Variants in TMEM53 observed in about 807,000 individuals in gnomAD.
TMEM53 encodes the protein novel DUF829 domain-containing protein.
A neutral mutation model predicts 21.4 loss-of-function variants in TMEM53; 14 were observed. That is an observed-to-expected ratio of 0.65 (90% CI 0.43 to 1.02). The LOEUF (loss-of-function observed/expected upper bound fraction) is 1.02, where lower values mean the gene tolerates loss of function less well. TMEM53 is among the 50% of genes least tolerant of loss of function. The pLI is 0.00. For missense variants in TMEM53, 323 were observed against 383.6 expected, an observed-to-expected ratio of 0.84 and a Z score of 1.32; for synonymous variants, 148 against 157.4, an observed-to-expected ratio of 0.94 and a Z score of 0.45.
Position 44,674,385 on chromosome 1 carries a change from A to G in TMEM53, c.7T>C (p.Ser3Pro), listed in dbSNP as rs781232028. The change falls in exon 1 of 3, where the codon TCG becomes CCG. Residue 3 changes from serine to proline, a missense_variant. Physicochemically the swap from Ser to Pro is moderately conservative, Grantham distance 74 (BLOSUM62 -1). Coordinates refer to ENST00000372237, the MANE Select transcript of TMEM53 (RefSeq NM_024587.4). The part of the protein sequence containing the change: MA[S>P]AELDYTIEIP... ...TCGATGGTGTAGTCCAGCTCTGCCGAGGCCATGGTGAAGGCGCCGGCCCAG... is the reference window on the plus strand; with the variant it reads ...TCGATGGTGTAGTCCAGCTCTGCCGGGGCCATGGTGAAGGCGCCGGCCCAG... 1.6e-5 allele frequency: 25 copies of G among 1,611,434 alleles called. No homozygotes were observed. The highest frequency in any genetic ancestry group is 4.2e-6 in the Non-Finnish European group (5 of 1,178,692).
chr1:44,654,280 A>C lies in TMEM53; in HGVS notation c.*279T>G. 1 of 428,160 alleles carries C rather than the reference A, an allele frequency of 2.3e-6. No individual in the cohort carries two copies. The highest frequency in any genetic ancestry group is 4.2e-6 in the Non-Finnish European group (1 of 237,068). 26.5% of individuals were successfully genotyped at this position (428,160 alleles called of 1,614,324 possible). A position where few individuals can be genotyped will look rare whatever the true frequency, so the allele number is the denominator to read the frequency against. ...CCTCTACAGCCTGCATGCCACAGGA[A>C]TCAGCAGCCTGACTGTTGCACTTGT... is the stretch of plus-strand genomic sequence containing the variant. On this transcript the variant is annotated 3_prime_UTR_variant, in exon 3 of 3. Coordinates refer to ENST00000372237, the MANE Select transcript of TMEM53 (RefSeq NM_024587.4). This position sits in a 1 kb window ranked among gnomAD's most constrained non-coding sequence, Gnocchi z 7.0.
chr1:44,653,960 C>G lies in TMEM53; in HGVS notation c.*599G>C, dbSNP rs1279069933. On this transcript the variant is annotated 3_prime_UTR_variant, in exon 3 of 3. Transcript: ENST00000372237. ...AAATTTTAAGTATCGTACACACTTACAATTTTGTTAGGTGATCTTGGCCAG... is the reference window on the plus strand; with the variant it reads ...AAATTTTAAGTATCGTACACACTTAGAATTTTGTTAGGTGATCTTGGCCAG... 1 of 152,486 alleles carries G rather than the reference C, an allele frequency of 6.6e-6. No homozygotes were observed. Among genetic ancestry groups the G allele is most frequent in the Non-Finnish European group, 1.5e-5 (1 of 68,260 alleles). 9.4% of individuals were successfully genotyped at this position (152,486 alleles called of 1,614,324 possible).
At chr1:44,670,798 C>T (rs1376714072) in intron 1 of TMEM53, among the ~76,000 whole-genome samples, 1 of 152,262 alleles carries the variant, frequency 6.6e-6, no homozygotes, top group East Asian at 1.9e-4. Context: ...GACCAGGCCC[C>T]AGACTCATTA....
intron 1 of TMEM53, among the ~76,000 whole-genome samples, chr1:44,669,978 A>G (rs950272611): frequency 1.3e-5 from 2 of 151,836 alleles, no homozygotes; most frequent in East Asian, 3.9e-4. Context: ...TTGTATTTTT[A>G]GTAGAGATGG....
chr1:44,674,438 C>T lies in TMEM53; in HGVS notation c.-47G>A. ...CACGGGTCTCCAGCCGGAACTCCCG[C>T]TTGCGCACCCGTGCCTCACCCGGGC... On this transcript the variant is annotated 5_prime_UTR_variant, in exon 1 of 3. Transcript: ENST00000372237. 1 of 1,580,990 alleles carries T rather than the reference C, an allele frequency of 6.3e-7. No homozygotes were observed. Among genetic ancestry groups the T allele is most frequent in the East Asian group, 2.3e-5 (1 of 43,964 alleles).
chr1:44,660,092 G>A (rs771021918), intron 2 of TMEM53, 82 bp downstream of exon 2: 1 of 1,517,438 alleles, frequency 6.6e-7, no homozygotes, highest in Non-Finnish European at 8.9e-7. Context: ...TCTAGAGGCT[G>A]TTCTTAAAGC....
chr1:44,672,361 A>G (rs1338404911), intron 1 of TMEM53, among the ~76,000 whole-genome samples: 1 of 152,256 alleles, frequency 6.6e-6, no homozygotes, highest in African/African-American at 2.4e-5. Flanking sequence ...CCCTGCAGTT[A>G]GCACACCATT....
chr1:44,667,304 CTTT>C (rs1350701032), intron 1 of TMEM53, among the ~76,000 whole-genome samples: 3 of 143,910 alleles, frequency 2.1e-5, no homozygotes, highest in Non-Finnish European at 4.5e-5. Flanking sequence ...CAAACGCACA[CTTT>C]TTTTGTTGTT....
chr1:44,669,798 T>C (rs1039997546), intron 1 of TMEM53, among the ~76,000 whole-genome samples: 6 of 25,412 alleles, frequency 2.4e-4, no homozygotes, highest in Admixed American at 1.6e-3. Flanking sequence ...AAGCATCCTA[T>C]TTTTTTTTTT....
At chr1:44,673,359 T>G (rs1190241239) in intron 1 of TMEM53, among the ~76,000 whole-genome samples, 1 of 152,160 alleles carries the variant, frequency 6.6e-6, no homozygotes, top group Non-Finnish European at 1.5e-5. Context: ...GAAAGATCAC[T>G]GTGGTAGCAG....
At chr1:44,662,702 T>C (rs893057164) in intron 1 of TMEM53, among the ~76,000 whole-genome samples, 14 of 119,866 alleles carry the variant, frequency 1.2e-4, no homozygotes, top group African/African-American at 4.2e-4. Flanking sequence ...GTTGCCCCCA[T>C]GTGCCACCAC....
chr1:44,663,519 CG>C (rs1026922237), intron 1 of TMEM53, among the ~76,000 whole-genome samples: 5 of 152,220 alleles, frequency 3.3e-5, no homozygotes, highest in African/African-American at 9.6e-5. Context: ...AGATTACAGG[CG>C]TGAGCCACCG....
intron 1 of TMEM53, among the ~76,000 whole-genome samples, chr1:44,670,318 G>A (rs34948326): frequency 0.55 from 83,364 of 151,908 alleles, 23,350 homozygotes; most frequent in Middle Eastern, 0.63. Flanking sequence ...AGCACAGCGC[G>A]GCCTCCTGCC....
chr1:44,655,180 C>A lies in TMEM53; in HGVS notation c.213G>T (p.Pro71=), dbSNP rs759519183. The A allele has an allele frequency of 1.9e-6, 3 of 1,611,678 alleles. No homozygotes were observed. The highest frequency in any genetic ancestry group is 2.5e-6 in the Non-Finnish European group (3 of 1,178,782). The stretch of plus-strand genomic sequence containing the variant: ...ACTCGGAGAAGAAGACCATGTGCCA[C>A]GGGGCTGTGTATCGGATTACGATGC... ...RGCIVIRYTA[P]WHMVFFSESL... is the part of the protein sequence containing the mutation. The change falls in exon 3 of 3, where the codon CCG becomes CCT. Residue 71 remains proline (P), a synonymous_variant. Transcript: ENST00000372237. The surrounding 1 kb of genome is among the most constrained non-coding windows in gnomAD (Gnocchi z 4.4).
At chr1:44,670,631 T>C (rs1210202795) in intron 1 of TMEM53, among the ~76,000 whole-genome samples, 1 of 152,206 alleles carries the variant, frequency 6.6e-6, no homozygotes, top group Non-Finnish European at 1.5e-5. Context: ...GACAACTTCC[T>C]GAGGGTTAAA....
intron 1 of TMEM53, among the ~76,000 whole-genome samples, chr1:44,668,349 G>A (rs1444653536): frequency 6.6e-6 from 1 of 152,092 alleles, no homozygotes; most frequent in Non-Finnish European, 1.5e-5. Context: ...GCTGAGGCAA[G>A]AGAATGGCGT....
At chr1:44,656,097 C>T (rs1249022314) in intron 2 of TMEM53, among the ~76,000 whole-genome samples, 5 of 152,030 alleles carry the variant, frequency 3.3e-5, no homozygotes, top group Non-Finnish European at 5.9e-5. Context: ...GGCCCTTTGT[C>T]AGGGGAATGT....
In TMEM53 at chr1:44,664,509, C is replaced by T. The variant is rs115833485; in HGVS notation, c.62-4214G>A. The stretch of plus-strand genomic sequence containing the variant: ...TGAGCAAGAATTCTCATTTTACAGA[C>T]GAAAACCTGAGGCACATACGAAACG... On this transcript the variant is annotated intron_variant, in intron 1 of 2. Transcript: ENST00000372237. Among the ~76,000 whole-genome samples the T allele has an allele frequency of 9.3e-3, 1,406 of 151,584 alleles. 27 individuals are homozygous for T. Among genetic ancestry groups the T allele is most frequent in the African/African-American group, 0.032 (1,332 of 41,330 alleles).
chr1:44,670,064 C>T (rs1469646150), intron 1 of TMEM53, among the ~76,000 whole-genome samples: 1 of 150,870 alleles, frequency 6.6e-6, no homozygotes, highest in Non-Finnish European at 1.5e-5. Flanking sequence ...TCCCAAAGTG[C>T]TGGGGTTACA....
Sources: gnomAD v4.1 joint callset for allele counts (sites outside exome capture counted in the v4.1 genomes callset) on GRCh38, gnomAD v4.1.1 for gene constraint, Gnocchi (gnomAD v3.1) non-coding constraint, MANE v1.5 for transcripts, NCBI Gene and HGNC (gene_info 2026-07-23, HGNC 2026-07-21) for gene names.